Variants in MSH3 observed in about 807,000 individuals in gnomAD.
MSH3 encodes the protein mutS homolog 3.
Under a neutral mutation model 123.3 loss-of-function variants are expected in MSH3, and 106 were observed. The ratio of observed to expected loss-of-function variants is 0.86; its 90% confidence interval spans 0.73 to 1.01. The LOEUF is 1.01. Ranked by LOEUF, MSH3 falls within the 50% of genes least tolerant of loss-of-function variation. The pLI is 0.00. For missense variants in MSH3, 1,459 were observed against 1,347.6 expected (o/e 1.08, Z -1.29); for synonymous variants, 515 against 481.4 (o/e 1.07, Z -0.91).
In MSH3 at chr5:80,751,357, A is replaced by G. The variant is rs569943765; in HGVS notation, c.1763+6742A>G. 2.0e-3 allele frequency among the ~76,000 whole-genome samples: 297 copies of G among 152,294 alleles called. 1 individual carries two copies. The highest frequency in any genetic ancestry group is 3.4e-3 in the Admixed American group (52 of 15,288). Reference sequence around the variant, plus strand: ...GAAAAGTTTCATGAGACCTCGGAATAAACACCACACATCTACAACTATCTG... The same window carrying G: ...GAAAAGTTTCATGAGACCTCGGAATGAACACCACACATCTACAACTATCTG... On this transcript the variant is annotated intron_variant, in intron 12 of 23. Transcript: ENST00000265081.
At chr5:80,843,145 A>G (rs990774630) in intron 20 of MSH3, among the ~76,000 whole-genome samples, 3 of 151,826 alleles carry the variant, frequency 2.0e-5, no homozygotes, top group Non-Finnish European at 4.4e-5. Flanking sequence ...GGCCTTTTCT[A>G]CATCTATTGA....
intron 10 of MSH3, among the ~76,000 whole-genome samples, chr5:80,740,460 C>A (rs752336563): frequency 2.0e-5 from 3 of 150,226 alleles, no homozygotes; most frequent in African/African-American, 7.3e-5. Context: ...CGGGTTCAAG[C>A]GATTCTCCTG....
chr5:80,709,360 C>T (rs1053968771), intron 8 of MSH3, among the ~76,000 whole-genome samples: 2 of 152,088 alleles, frequency 1.3e-5, no homozygotes, highest in Admixed American at 6.6e-5. Context: ...TGGTGGCTTA[C>T]GCCTGTAATC....
intron 9 of MSH3, among the ~76,000 whole-genome samples, chr5:80,725,990 A>G (rs917095887): frequency 3.3e-5 from 5 of 152,214 alleles, no homozygotes; most frequent in African/African-American, 1.2e-4. Flanking sequence ...GCTCATTAGT[A>G]TCTTTGTATT....
chr5:80,744,478 A>G (rs750026163), intron 11 of MSH3, 28 bp from the exon 12 acceptor site: 23 of 1,520,520 alleles, frequency 1.5e-5, no homozygotes, highest in Non-Finnish European at 2.1e-5. Context: ...TGTCTAGTTA[A>G]TAAAACTTGT....
intron 8 of MSH3, among the ~76,000 whole-genome samples, chr5:80,703,834 C>T (rs1299019899): frequency 2.0e-5 from 3 of 151,600 alleles, no homozygotes; most frequent in Non-Finnish European, 2.9e-5. Flanking sequence ...GTTGACTGGA[C>T]GTAAACACTA....
At chr5:80,707,351 A>T (rs1185158313) in intron 8 of MSH3, among the ~76,000 whole-genome samples, 1 of 152,218 alleles carries the variant, frequency 6.6e-6, no homozygotes, top group Non-Finnish European at 1.5e-5. Context: ...GTCTTCTCAC[A>T]GATCTATATT....
intron 13 of MSH3, among the ~76,000 whole-genome samples, chr5:80,762,929 C>T (rs1744067072): frequency 6.6e-6 from 1 of 151,844 alleles, no homozygotes; most frequent in Admixed American, 6.6e-5. Flanking sequence ...TCACTGCAAC[C>T]TCTACCTCCC....
chr5:80,838,444 G>C (rs1745557149), intron 20 of MSH3, among the ~76,000 whole-genome samples: 1 of 152,186 alleles, frequency 6.6e-6, no homozygotes, highest in African/African-American at 2.4e-5. Flanking sequence ...AGGACAAAAT[G>C]AGATAATGCC....
chr5:80,823,447 A>G (rs571246971), intron 20 of MSH3, among the ~76,000 whole-genome samples: 1 of 152,296 alleles, frequency 6.6e-6, no homozygotes, highest in East Asian at 1.9e-4. Context: ...GGGCACTTCA[A>G]TATATCAGAC....
chr5:80,752,655 C>T (rs1743857956), intron 12 of MSH3, among the ~76,000 whole-genome samples: 1 of 151,986 alleles, frequency 6.6e-6, no homozygotes, highest in Admixed American at 6.6e-5. Context: ...CCAAATGAGA[C>T]AGTATATGTA....
At chr5:80,773,489 G>T (rs1744247438) in intron 15 of MSH3, among the ~76,000 whole-genome samples, 1 of 152,118 alleles carries the variant, frequency 6.6e-6, no homozygotes. Context: ...TTCTAATGAT[G>T]AAATTTTTTA....
At chr5:80,681,275 A>G (rs1204781839) in intron 8 of MSH3, among the ~76,000 whole-genome samples, 1 of 152,126 alleles carries the variant, frequency 6.6e-6, no homozygotes, top group African/African-American at 2.4e-5. Flanking sequence ...TTACAGAACT[A>G]AAAAAATTAA....
chr5:80,856,232 C>G (rs1388895286), intron 21 of MSH3, among the ~76,000 whole-genome samples: 1 of 151,966 alleles, frequency 6.6e-6, no homozygotes, highest in South Asian at 2.1e-4. Context: ...AAGAGTGACT[C>G]AGGTTTTGTT....
intron 10 of MSH3, among the ~76,000 whole-genome samples, chr5:80,729,354 T>TG: frequency 7.0e-6 from 1 of 142,358 alleles, no homozygotes; most frequent in East Asian, 2.0e-4. Context: ...AGGTGGAGCC[T>TG]GCAGTCAGCC....
At chr5:80,786,165 AAAT>A (rs1408229545) in intron 17 of MSH3, among the ~76,000 whole-genome samples, 1 of 151,860 alleles carries the variant, frequency 6.6e-6, no homozygotes, top group East Asian at 1.9e-4. Context: ...ATTAATTAAA[AAAT>A]AAATTAAAAA....
At chr5:80,672,460 A>T in intron 5 of MSH3, 100 bp downstream of exon 5, 1 of 877,288 alleles carries the variant, frequency 1.1e-6, no homozygotes, top group Non-Finnish European at 1.9e-6. Flanking sequence ...CAATTGGTTT[A>T]GAATTTTGCA....
At chr5:80,799,983 ATCT>A (rs150796337) in intron 19 of MSH3, among the ~76,000 whole-genome samples, 158 of 152,158 alleles carry the variant, frequency 1.0e-3, no homozygotes, top group African/African-American at 3.7e-3. Context: ...TTATTTTTAG[ATCT>A]TCTCTTCCCC....
At chr5:80,806,034 T>A (rs1047443453) in intron 19 of MSH3, among the ~76,000 whole-genome samples, 2 of 146,968 alleles carry the variant, frequency 1.4e-5, no homozygotes, top group South Asian at 4.7e-4. Flanking sequence ...TCCTATAATT[T>A]TTTATAAACA....
Sources: gnomAD v4.1 joint callset for allele counts (sites outside exome capture counted in the v4.1 genomes callset) on GRCh38, gnomAD v4.1.1 for gene constraint, MANE v1.5 for transcripts, NCBI Gene and HGNC (gene_info 2026-07-23, HGNC 2026-07-21) for gene names.